Variants in FAM185A observed in about 807,000 individuals in gnomAD.
FAM185A encodes family with sequence similarity 185 member A.
A neutral mutation model predicts 45.7 loss-of-function variants in FAM185A; 21 were observed. That is an observed-to-expected ratio of 0.46 (90% confidence interval 0.33 to 0.66). The LOEUF (loss-of-function observed/expected upper bound fraction) is 0.66, where lower values mean the gene tolerates loss of function less well. Among genes scored for constraint, FAM185A ranks in the 30% least tolerant of loss-of-function variants. The pLI is 0.03. For missense variants in FAM185A, 305 were observed against 485.4 expected (o/e 0.63, Z 3.49); for synonymous variants, 117 against 194.0 (o/e 0.60, Z 3.30).
At chr7:102,831,425 A>ACACACACACCC in the FAM185A span, among the ~76,000 whole-genome samples, 1 of 150,994 alleles carries the variant, frequency 6.6e-6, no homozygotes. Flanking sequence ...ACACACACAC[A>ACACACACACCC]CACACACCCC....
the FAM185A span, among the ~76,000 whole-genome samples, chr7:102,817,322 C>T: frequency 6.6e-6 from 1 of 152,060 alleles, no homozygotes; most frequent in Non-Finnish European, 1.5e-5. Flanking sequence ...GATGATACTT[C>T]ATTGTGATGG....
chr7:102,760,528 T>C (rs1794048456), intron 3 of FAM185A, among the ~76,000 whole-genome samples: 2 of 151,632 alleles, frequency 1.3e-5, no homozygotes, highest in African/African-American at 2.4e-5. Flanking sequence ...ATGATTTAAA[T>C]AGCAAAAGCA....
chr7:102,844,643 G>C, the FAM185A span, among the ~76,000 whole-genome samples: 1 of 152,164 alleles, frequency 6.6e-6, no homozygotes, highest in Non-Finnish European at 1.5e-5. Context: ...TCTGATACCA[G>C]ATGTGTGGGT....
At chr7:102,768,762 C>T (rs929996617) in intron 4 of FAM185A, among the ~76,000 whole-genome samples, 1 of 152,124 alleles carries the variant, frequency 6.6e-6, no homozygotes, top group Non-Finnish European at 1.5e-5. Flanking sequence ...TCTATTTTCT[C>T]AAATACTGGG....
chr7:102,780,836 C>T (rs1253304304), intron 6 of FAM185A, among the ~76,000 whole-genome samples: 12 of 152,238 alleles, frequency 7.9e-5, no homozygotes, highest in African/African-American at 2.2e-4. Context: ...CGCAGCGCAC[C>T]GAGCGTGAGC....
intron 2 of FAM185A, among the ~76,000 whole-genome samples, chr7:102,754,105 C>G (rs1249365201): frequency 6.6e-6 from 1 of 152,160 alleles, no homozygotes; most frequent in African/African-American, 2.4e-5. Context: ...AAGTATCGTA[C>G]AATAATATCA....
the FAM185A span, among the ~76,000 whole-genome samples, chr7:102,847,281 A>C: frequency 6.6e-6 from 1 of 152,058 alleles, no homozygotes; most frequent in Non-Finnish European, 1.5e-5. Context: ...ACTGTAGGGG[A>C]ATGAATTGTT....
rs773469760 is a variant in FAM185A at position 102,749,351 on chromosome 7, C to G, written c.144C>G (p.Pro48=). 52 of 1,548,958 alleles carry G rather than the reference C, an allele frequency of 3.4e-5. No individual in the cohort carries two copies. In the South Asian group the frequency reaches 4.0e-4, roughly 12 times the overall value. ...GCTCAGGTGGGAGCGAGCGCTGGCC[C>G]GGATCGGAGACTGAGGTCCCTCCGC... The part of the protein sequence containing the change: ...PYSSGGSERW[P]GSETEVPPPG... The change falls in exon 1 of 8, where the codon CCC becomes CCG. Residue 48 remains proline (P), a synonymous_variant. Coordinates refer to ENST00000413034, the MANE Select transcript of FAM185A (RefSeq NM_001145268.2).
the FAM185A span, among the ~76,000 whole-genome samples, chr7:102,820,791 G>A: frequency 1.3e-5 from 2 of 152,170 alleles, no homozygotes; most frequent in Admixed American, 6.5e-5. Context: ...CCATGATAAC[G>A]GCATTAGTCT....
the FAM185A span, among the ~76,000 whole-genome samples, chr7:102,815,627 CA>C: frequency 0.053 from 8,042 of 152,184 alleles, 279 homozygotes; most frequent in South Asian, 0.12. Flanking sequence ...TTAGAGGCAA[CA>C]ATGATCTTGA....
downstream of FAM185A, among the ~76,000 whole-genome samples, chr7:102,810,367 G>C (rs932767964): frequency 2.0e-5 from 3 of 152,126 alleles, no homozygotes; most frequent in South Asian, 2.1e-4. Flanking sequence ...ACAGTAGCTA[G>C]CATTACAGGT....
chr7:102,786,029 C>G lies in FAM185A; in HGVS notation c.932-1306C>G, dbSNP rs1427643625. Among the ~76,000 whole-genome samples, 4 of 152,218 alleles carry G rather than the reference C, an allele frequency of 2.6e-5. No homozygotes were observed. In the East Asian group the frequency reaches 7.7e-4, roughly 29 times the overall value. ...TCAAAAAGTGGACAAAGGATATGAA[C>G]AGACACTTCTCAAAAGAAGACATTT... On this transcript the variant is annotated intron_variant, in intron 6 of 7. Transcript: ENST00000413034.
At chr7:102,839,309 A>T in the FAM185A span, among the ~76,000 whole-genome samples, 46 of 152,280 alleles carry the variant, frequency 3.0e-4, no homozygotes, top group East Asian at 9.7e-4. Context: ...TCTTGCTGAG[A>T]TAGTGAAAAT....
the FAM185A span, chr7:102,833,065 C>G: frequency 4.5e-6 from 6 of 1,331,256 alleles, no homozygotes; most frequent in Non-Finnish European, 5.1e-6. Context: ...ACATTTCAGT[C>G]CCTGAAATAC....
intron 2 of FAM185A, among the ~76,000 whole-genome samples, chr7:102,754,751 C>T (rs1469491138): frequency 1.3e-5 from 2 of 152,228 alleles, no homozygotes; most frequent in Non-Finnish European, 2.9e-5. Flanking sequence ...TATGGTAAGA[C>T]CACATTTGTA....
the FAM185A span, among the ~76,000 whole-genome samples, chr7:102,832,450 T>C: frequency 6.6e-6 from 1 of 152,236 alleles, no homozygotes; most frequent in African/African-American, 2.4e-5. Flanking sequence ...CCCAAGGTTA[T>C]GGATTTAATA....
rs1447316870 is a variant in FAM185A, at chr7:102,780,649, T to C, written c.931+3301T>C. On this transcript the variant is annotated intron_variant, in intron 6 of 7. Coordinates refer to ENST00000413034, the MANE Select transcript of FAM185A (RefSeq NM_001145268.2). ...TACGATGAGGTAGGAGTGTGTGAAA[T>C]ACCATGGTGGTTAAAAGCATGGGCT... is the stretch of plus-strand genomic sequence containing the variant. 5.9e-5 allele frequency among the ~76,000 whole-genome samples: 9 copies of C among 152,276 alleles called. No homozygotes were observed. In the East Asian group the frequency reaches 1.7e-3, roughly 29 times the overall value.
rs115157268 is a variant in FAM185A, at chr7:102,806,027, G to C, written c.1067-2263G>C. ...TGTGCCAGCAGATCTGTTTGGTGTG[G>C]GGGTCCAGGTTTTTGAGAAACAACT... On this transcript the variant is annotated intron_variant, in intron 7 of 7. Transcript: ENST00000413034. Among the ~76,000 whole-genome samples the C allele has an allele frequency of 6.6e-3, 1,006 of 152,208 alleles. 9 individuals carry two copies. Among genetic ancestry groups the C allele is most frequent in the African/African-American group, 0.023 (951 of 41,528 alleles).
At chr7:102,821,039 T>C in the FAM185A span, among the ~76,000 whole-genome samples, 1 of 152,226 alleles carries the variant, frequency 6.6e-6, no homozygotes, top group Middle Eastern at 3.2e-3. Flanking sequence ...TGGCAAAATA[T>C]AATCAAAAAA....
Sources: allele counts gnomAD v4.1 joint callset (sites outside exome capture counted in the v4.1 genomes callset), GRCh38; gene constraint gnomAD v4.1.1; transcripts MANE v1.5; gene names NCBI Gene and HGNC (gene_info 2026-07-23, HGNC 2026-07-21).